The following CENPH variants were observed in gnomAD, a reference collection of about 807,000 sequenced individuals.
CENPH encodes the protein CENP-H.
CENPH carries 40 observed loss-of-function variants against 42.9 expected under a neutral mutation model. That is an observed-to-expected ratio of 0.93 (90% CI 0.72 to 1.21). CENPH has a LOEUF of 1.21. CENPH is among the 50% of genes most tolerant of loss of function. The pLI is 0.00. For missense variants in CENPH, 302 were observed against 292.9 expected (o/e 1.03, Z -0.23); for synonymous variants, 88 against 96.5 (o/e 0.91, Z 0.52).
At chr5:69,197,004 C>G in intron 4 of CENPH, 49 bp from the exon 5 acceptor site, 1 of 1,209,898 alleles carries the variant, frequency 8.3e-7, no homozygotes, top group East Asian at 2.6e-5. Context: ...TTTTAATGTA[C>G]CACAAATGTT....
intron 5 of CENPH, among the ~76,000 whole-genome samples, chr5:69,200,000 C>T (rs1748031823): frequency 6.6e-6 from 1 of 151,426 alleles, no homozygotes; most frequent in African/African-American, 2.4e-5. Flanking sequence ...GTAATCCCAG[C>T]TACTCGGGAG....
Position 69,203,980 on chromosome 5 carries a change from C to CTA in CENPH, c.487+1023_487+1024dup, listed in dbSNP as rs1282758621. Among the ~76,000 whole-genome samples the CTA allele has an allele frequency of 2.3e-3, 269 of 118,128 alleles. 8 individuals are homozygous for CTA. The highest frequency in any genetic ancestry group is 0.022 in the East Asian group (84 of 3,764). 77.5% of individuals were successfully genotyped at this position (118,128 alleles called of 152,430 possible). Reference sequence around the variant, plus strand: ...AACATTTATATGGACATGGAAATTTCTATATATATATATAGAGAGAGAATT... The same window carrying CTA: ...AACATTTATATGGACATGGAAATTTCTATATATATATATATAGAGAGAGAATT... On this transcript the variant is annotated intron_variant, in intron 7 of 8. Transcript: ENST00000283006.
At chr5:69,192,499 A>G (rs936848548) in intron 2 of CENPH, among the ~76,000 whole-genome samples, 2 of 152,200 alleles carry the variant, frequency 1.3e-5, no homozygotes, top group African/African-American at 4.8e-5. Flanking sequence ...GTAGCCTTTG[A>G]AAGAAGATGT....
At chr5:69,203,358 A>T (rs564734661) in intron 7 of CENPH, among the ~76,000 whole-genome samples, 1 of 144,996 alleles carries the variant, frequency 6.9e-6, no homozygotes, top group African/African-American at 2.4e-5. Context: ...TGTTAAAAAA[A>T]ATTTTTTAAT....
At chr5:69,192,205 A>G (rs766870915) in intron 2 of CENPH, among the ~76,000 whole-genome samples, 5 of 152,230 alleles carry the variant, frequency 3.3e-5, no homozygotes, top group Non-Finnish European at 7.3e-5. Context: ...CAAAACTGGT[A>G]AACATGCAAG....
chr5:69,202,629 G>T, intron 6 of CENPH, 60 bp downstream of exon 6: 1 of 972,758 alleles, frequency 1.0e-6, no homozygotes, highest in South Asian at 1.4e-5. Context: ...ACTTCTTGCT[G>T]GTAACTGTAT....
intron 2 of CENPH, among the ~76,000 whole-genome samples, chr5:69,193,841 G>C (rs1275487507): frequency 6.6e-6 from 1 of 151,702 alleles, no homozygotes; most frequent in African/African-American, 2.4e-5. Context: ...TAGTAGAGAC[G>C]GGTTTCACCA....
intron 1 of CENPH, among the ~76,000 whole-genome samples, chr5:69,190,300 T>A (rs1431362376): frequency 6.6e-6 from 1 of 152,242 alleles, no homozygotes; most frequent in Non-Finnish European, 1.5e-5. Flanking sequence ...TCTGCCTAAC[T>A]GCCTATTTTT....
intron 5 of CENPH, among the ~76,000 whole-genome samples, chr5:69,199,035 C>T (rs138728405): frequency 6.6e-6 from 1 of 152,040 alleles, no homozygotes; most frequent in Admixed American, 6.6e-5. Flanking sequence ...AATGTCAGGG[C>T]TTTGGTCTAG....
intron 2 of CENPH, among the ~76,000 whole-genome samples, chr5:69,193,185 G>A (rs1413263473): frequency 6.8e-6 from 1 of 147,418 alleles, no homozygotes; most frequent in Non-Finnish European, 1.5e-5. Flanking sequence ...GTGTGTATGT[G>A]TATATATGTA....
chr5:69,200,719 C>CTTTTTTTTTTTTTTTTT lies in CENPH; in HGVS notation c.372-1769_372-1753dup, dbSNP rs70992906. Among the ~76,000 whole-genome samples the CTTTTTTTTTTTTTTTTT allele has an allele frequency of 1.3e-3, 62 of 46,906 alleles. 16 individuals carry two copies. Among genetic ancestry groups the CTTTTTTTTTTTTTTTTT allele is most frequent in the East Asian group, 3.5e-3 (4 of 1,154 alleles). The allele number at this position is 46,906 out of a possible 152,430, so 30.8% of individuals were successfully genotyped here. On this transcript the variant is annotated intron_variant, in intron 5 of 8. Transcript: ENST00000283006. ...TCCCAAACTTTCTGAATCAGCGTAT[C>CTTTTTTTTTTTTTTTTT]TTTTTTTTTTTTTTTTTTTTTTTTT...
chr5:69,199,063 A>G (rs1748014057), intron 5 of CENPH, among the ~76,000 whole-genome samples: 1 of 152,210 alleles, frequency 6.6e-6, no homozygotes, highest in Admixed American at 6.5e-5. Context: ...TGCTTGCTGC[A>G]CAGAAATGTA....
chr5:69,202,213 G>A (rs1748070990), intron 5 of CENPH, among the ~76,000 whole-genome samples: 1 of 152,172 alleles, frequency 6.6e-6, no homozygotes, highest in African/African-American at 2.4e-5. Context: ...TTATTAGGGT[G>A]TTTCCTCTCT....
intron 6 of CENPH, among the ~76,000 whole-genome samples, 166 bp from the exon 7 acceptor site, chr5:69,202,753 T>C (rs908923637): frequency 6.6e-6 from 1 of 152,224 alleles, no homozygotes; most frequent in African/African-American, 2.4e-5. Context: ...GAACATTATC[T>C]ACTTATAATT....
intron 2 of CENPH, among the ~76,000 whole-genome samples, chr5:69,192,534 T>C (rs1747893440): frequency 6.6e-6 from 1 of 152,208 alleles, no homozygotes; most frequent in Non-Finnish European, 1.5e-5. Context: ...CTATCTGCTC[T>C]TTTAGAGGCC....
At chr5:69,202,346 CT>C (rs1179625596) in intron 5 of CENPH, among the ~76,000 whole-genome samples, 159 bp from the exon 6 acceptor site, 1 of 152,116 alleles carries the variant, frequency 6.6e-6, no homozygotes, top group Admixed American at 6.6e-5. Context: ...TTACATCAAA[CT>C]TTTCCAGATT....
intron 5 of CENPH, among the ~76,000 whole-genome samples, chr5:69,199,984 G>A (rs1271068161): frequency 1.3e-5 from 2 of 151,890 alleles, no homozygotes; most frequent in Non-Finnish European, 2.9e-5. Context: ...GTGGTGGCAG[G>A]TACCTGTAAT....
chr5:69,196,026 C>T (rs898887421), intron 4 of CENPH, among the ~76,000 whole-genome samples: 1 of 152,184 alleles, frequency 6.6e-6, no homozygotes, highest in East Asian at 1.9e-4. Context: ...GTAGCCTCAA[C>T]CTCCCAAGCT....
chr5:69,206,855 T>C (rs1376135680), intron 7 of CENPH, among the ~76,000 whole-genome samples: 1 of 146,412 alleles, frequency 6.8e-6, no homozygotes, highest in Non-Finnish European at 1.5e-5. Context: ...TCAGGGTCAT[T>C]AGTAGTATTG....
Sources: gnomAD v4.1 joint callset for allele counts (sites outside exome capture counted in the v4.1 genomes callset) on GRCh38, gnomAD v4.1.1 for gene constraint, MANE v1.5 for transcripts, NCBI Gene and HGNC (gene_info 2026-07-23, HGNC 2026-07-21) for gene names.